Variants in HDAC9 observed in about 807,000 individuals in gnomAD.
HDAC9 encodes the protein histone deacetylase 9, also known as MEF-2 interacting transcription repressor (MITR) protein.
Under a neutral mutation model 139.4 loss-of-function variants are expected in HDAC9, and 41 were observed. The ratio of observed to expected loss-of-function variants is 0.29; its 90% CI spans 0.23 to 0.38. The LOEUF is 0.38. Ranked by LOEUF, HDAC9 falls within the 10% of genes least tolerant of loss-of-function variation. The probability of loss-of-function intolerance (pLI) is 1.00; values close to 1 mark genes in which losing one functional copy is unlikely to be tolerated. For missense variants in HDAC9, 1,147 were observed against 1,297.0 expected (o/e 0.88, Z 1.78); for synonymous variants, 517 against 476.2 (o/e 1.09, Z -1.12).
intron 23 of HDAC9, among the ~76,000 whole-genome samples, chr7:18,946,841 C>T (rs1219086630): frequency 6.6e-6 from 1 of 151,826 alleles, no homozygotes; most frequent in East Asian, 1.9e-4. Flanking sequence ...AGTATATATC[C>T]CCTAACATGA....
chr7:18,987,709 G>C (rs994997912), intron 25 of HDAC9, among the ~76,000 whole-genome samples: 2 of 151,800 alleles, frequency 1.3e-5, no homozygotes, highest in Non-Finnish European at 2.9e-5. Flanking sequence ...GACTCTTTTT[G>C]GTTGGTAAGC....
intron 2 of HDAC9, among the ~76,000 whole-genome samples, chr7:18,565,917 T>G (rs975072705): frequency 6.6e-6 from 1 of 152,132 alleles, no homozygotes; most frequent in Admixed American, 6.5e-5. Context: ...TGGGCAATTT[T>G]CTGTTTCTTT....
At chr7:18,845,617 A>G (rs1796853503) in intron 21 of HDAC9, among the ~76,000 whole-genome samples, 1 of 152,106 alleles carries the variant, frequency 6.6e-6, no homozygotes, top group Non-Finnish European at 1.5e-5. Flanking sequence ...GTGTCATTTT[A>G]AGAACAACAG....
intron 25 of HDAC9, among the ~76,000 whole-genome samples, chr7:18,990,878 A>G (rs930841159): frequency 6.6e-6 from 1 of 152,192 alleles, no homozygotes; most frequent in African/African-American, 2.4e-5. Flanking sequence ...TTCCCAAGTG[A>G]GGCAATGTCT....
chr7:18,728,783 T>C (rs1459956289), intron 13 of HDAC9, among the ~76,000 whole-genome samples: 3 of 152,210 alleles, frequency 2.0e-5, no homozygotes, highest in Admixed American at 1.3e-4. Context: ...AGCCTTGATA[T>C]TATCTTTAGT....
intron 2 of HDAC9, among the ~76,000 whole-genome samples, chr7:18,266,712 C>T (rs1395012755): frequency 1.3e-5 from 2 of 151,978 alleles, no homozygotes; most frequent in Non-Finnish European, 2.9e-5. Flanking sequence ...ACTGTGATAC[C>T]ACTGCCTTGA....
chr7:18,903,816 C>G (rs1038718071), intron 22 of HDAC9, among the ~76,000 whole-genome samples: 12 of 152,228 alleles, frequency 7.9e-5, no homozygotes, highest in Non-Finnish European at 5.9e-5. Context: ...ATTTGGCTCA[C>G]TCTGGCTTAG....
chr7:18,537,329 G>A (rs113657391), intron 2 of HDAC9, among the ~76,000 whole-genome samples: 2,003 of 152,248 alleles, frequency 0.013, 51 homozygotes, highest in African/African-American at 0.045. Context: ...TGGGATAGAG[G>A]AGAAAAGGTT....
chr7:18,207,609 A>G (rs1354116319), intron 2 of HDAC9, among the ~76,000 whole-genome samples: 1 of 136,670 alleles, frequency 7.3e-6, no homozygotes, highest in Admixed American at 8.3e-5. Context: ...GCATAAAAGG[A>G]TAGATATAGA....
At chr7:18,415,424 A>C (rs185177192) in intron 1 of HDAC9, among the ~76,000 whole-genome samples, 35 of 152,368 alleles carry the variant, frequency 2.3e-4, no homozygotes, top group Non-Finnish European at 8.8e-5. Flanking sequence ...ATCCATCAGG[A>C]ACCTCACAAC....
chr7:18,928,329 A>G (rs934511548), intron 22 of HDAC9, among the ~76,000 whole-genome samples: 1 of 152,200 alleles, frequency 6.6e-6, no homozygotes, highest in Admixed American at 6.5e-5. Flanking sequence ...CTAAATATAC[A>G]TGGGTTCTAA....
At chr7:18,437,352 C>A (rs1017418191) in intron 1 of HDAC9, among the ~76,000 whole-genome samples, 12 of 152,074 alleles carry the variant, frequency 7.9e-5, no homozygotes, top group African/African-American at 2.9e-4. Context: ...CAAAGTCAGA[C>A]CCCTGAATCA....
intron 1 of HDAC9, among the ~76,000 whole-genome samples, chr7:18,143,429 A>G (rs1460678766): frequency 6.6e-6 from 1 of 152,184 alleles, no homozygotes; most frequent in Non-Finnish European, 1.5e-5. Context: ...GTGGAGGCAG[A>G]AGCTGTTTTT....
intron 8 of HDAC9, among the ~76,000 whole-genome samples, chr7:18,636,229 A>C (rs933755026): frequency 6.6e-6 from 1 of 152,226 alleles, no homozygotes; most frequent in East Asian, 1.9e-4. Context: ...GACACCCCAG[A>C]GGCCTGTATC....
intron 1 of HDAC9, among the ~76,000 whole-genome samples, chr7:18,131,546 G>T (rs1313717468): frequency 1.3e-5 from 2 of 152,120 alleles, no homozygotes; most frequent in African/African-American, 4.8e-5. Context: ...TGCAGTAGGG[G>T]GTAGAGTGTA....
At chr7:18,089,384 C>T (rs1221028332) in intron 1 of HDAC9, among the ~76,000 whole-genome samples, 1 of 152,070 alleles carries the variant, frequency 6.6e-6, no homozygotes, top group Non-Finnish European at 1.5e-5. Flanking sequence ...TAATTTTATA[C>T]ATGCTTATAG....
At chr7:18,759,121 C>A (rs187868619) in intron 14 of HDAC9, among the ~76,000 whole-genome samples, 3 of 152,014 alleles carry the variant, frequency 2.0e-5, no homozygotes, top group Non-Finnish European at 4.4e-5. Context: ...TAGATTAAGT[C>A]AATGCTAGAT....
chr7:18,222,742 ATTG>A (rs1246467646), intron 2 of HDAC9, among the ~76,000 whole-genome samples: 2 of 152,070 alleles, frequency 1.3e-5, no homozygotes, highest in Non-Finnish European at 2.9e-5. Context: ...CTTATTGAAA[ATTG>A]TTGTTGATCT....
At chr7:18,442,054 G>GC (rs1186294366) in intron 1 of HDAC9, among the ~76,000 whole-genome samples, 5 of 152,154 alleles carry the variant, frequency 3.3e-5, no homozygotes, top group African/African-American at 7.2e-5. Flanking sequence ...ACAGACGTGA[G>GC]CCCCTGTGCC....
Sources: allele counts gnomAD v4.1 joint callset (sites outside exome capture counted in the v4.1 genomes callset), GRCh38; gene constraint gnomAD v4.1.1; transcripts MANE v1.5; gene names NCBI Gene and HGNC (gene_info 2026-07-23, HGNC 2026-07-21).